The following PTPRD variants were observed in gnomAD, a reference collection of about 807,000 sequenced individuals.
PTPRD encodes the protein protein tyrosine phosphatase receptor type D.
A neutral mutation model predicts 214.5 loss-of-function variants in PTPRD; 34 were observed. That is an observed-to-expected ratio of 0.16 (90% CI 0.12 to 0.21). The LOEUF (loss-of-function observed/expected upper bound fraction) is 0.21. Ranked by LOEUF, PTPRD falls within the 10% of genes least tolerant of loss-of-function variation. The probability of loss-of-function intolerance (pLI) is 1.00; values close to 1 mark genes in which losing one functional copy is unlikely to be tolerated. For synonymous variants in PTPRD, 1,128 were observed against 845.7 expected (o/e 1.33, Z -5.79); for missense variants, 2,545 against 2,398.7 (o/e 1.06, Z -1.27).
intron 9 of PTPRD, among the ~76,000 whole-genome samples, chr9:9,313,325 G>A (rs1452591801): frequency 1.3e-5 from 2 of 152,112 alleles, no homozygotes; most frequent in African/African-American, 4.8e-5. Context: ...AAGAGTTAGA[G>A]GAGAGTAAGT....
intron 8 of PTPRD, among the ~76,000 whole-genome samples, chr9:9,488,191 A>C (rs536816877): frequency 6.6e-6 from 1 of 152,308 alleles, no homozygotes; most frequent in East Asian, 1.9e-4. Flanking sequence ...ATTTCCTTAC[A>C]CTATTCACCT....
At chr9:9,978,605 C>T (rs1293272377) in intron 4 of PTPRD, among the ~76,000 whole-genome samples, 1 of 151,926 alleles carries the variant, frequency 6.6e-6, no homozygotes, top group Non-Finnish European at 1.5e-5. Context: ...TCCTTCAGTC[C>T]CGCAGAAAGA....
intron 5 of PTPRD, among the ~76,000 whole-genome samples, chr9:9,818,785 G>A (rs1044398043): frequency 2.0e-5 from 3 of 151,670 alleles, no homozygotes; most frequent in Non-Finnish European, 4.4e-5. Context: ...GTGTAGTGGT[G>A]TGCGCCTGTA....
chr9:8,797,594 A>G (rs138102353), intron 11 of PTPRD, among the ~76,000 whole-genome samples: 256 of 152,328 alleles, frequency 1.7e-3, no homozygotes, highest in African/African-American at 5.9e-3. Flanking sequence ...ACTATCCAGC[A>G]GAAACTCTCT....
At chr9:10,051,099 G>A (rs1255826529) in intron 3 of PTPRD, among the ~76,000 whole-genome samples, 1 of 151,962 alleles carries the variant, frequency 6.6e-6, no homozygotes, top group African/African-American at 2.4e-5. Context: ...AAATGCAGAA[G>A]CCACTGAATT....
chr9:9,947,809 A>C (rs981601106), intron 4 of PTPRD, among the ~76,000 whole-genome samples: 10 of 149,152 alleles, frequency 6.7e-5, no homozygotes, highest in African/African-American at 2.2e-4. Flanking sequence ...ATCCATAAAG[A>C]GATTCAAGTA....
At chr9:9,777,347 A>C (rs1336487124) in intron 5 of PTPRD, among the ~76,000 whole-genome samples, 1 of 143,028 alleles carries the variant, frequency 7.0e-6, no homozygotes, top group East Asian at 5.2e-4. Context: ...ACACACACAC[A>C]CACACACCCC....
chr9:10,440,873 T>C (rs781164968), intron 2 of PTPRD, among the ~76,000 whole-genome samples: 6 of 151,738 alleles, frequency 4.0e-5, no homozygotes, highest in Non-Finnish European at 8.9e-5. Flanking sequence ...AATTTATAAG[T>C]AGAAAGATAC....
chr9:10,611,270 G>T (rs936649994), intron 2 of PTPRD, among the ~76,000 whole-genome samples: 1 of 152,124 alleles, frequency 6.6e-6, no homozygotes, highest in Non-Finnish European at 1.5e-5. Flanking sequence ...AATCAGGTCT[G>T]TTTTGTCTAA....
chr9:8,665,210 T>C (rs2097147238), intron 12 of PTPRD, among the ~76,000 whole-genome samples: 1 of 152,220 alleles, frequency 6.6e-6, no homozygotes, highest in African/African-American at 2.4e-5. Context: ...CAAATTGCTA[T>C]GAAAAACAGA....
At chr9:9,956,543 A>G (rs1333997617) in intron 4 of PTPRD, among the ~76,000 whole-genome samples, 1 of 152,160 alleles carries the variant, frequency 6.6e-6, no homozygotes, top group Non-Finnish European at 1.5e-5. Flanking sequence ...TTCAAAATTA[A>G]TACAGAAGAT....
intron 26 of PTPRD, among the ~76,000 whole-genome samples, chr9:8,496,564 G>A (rs921452053): frequency 3.9e-5 from 6 of 152,106 alleles, no homozygotes; most frequent in Admixed American, 1.3e-4. Context: ...CTCCCTCAGC[G>A]ACATACTTTC....
intron 3 of PTPRD, among the ~76,000 whole-genome samples, chr9:10,121,637 G>A (rs2098776197): frequency 6.6e-6 from 1 of 152,156 alleles, no homozygotes; most frequent in South Asian, 2.1e-4. Flanking sequence ...TGTTGTCTCT[G>A]TCTATGAGAA....
chr9:8,996,009 A>C (rs2099395239), intron 11 of PTPRD, among the ~76,000 whole-genome samples: 1 of 152,144 alleles, frequency 6.6e-6, no homozygotes, highest in African/African-American at 2.4e-5. Context: ...GCTGATATTA[A>C]TTCAAAATAG....
chr9:10,408,377 G>A (rs1489258616), intron 2 of PTPRD, among the ~76,000 whole-genome samples: 1 of 151,456 alleles, frequency 6.6e-6, no homozygotes, highest in Non-Finnish European at 1.5e-5. Context: ...CTATGTCCAT[G>A]GATAGGCAAA....
chr9:10,191,472 G>A (rs943455899), intron 3 of PTPRD, among the ~76,000 whole-genome samples: 1 of 152,100 alleles, frequency 6.6e-6, no homozygotes, highest in Non-Finnish European at 1.5e-5. Flanking sequence ...GGAATTGTAA[G>A]GGTAATTGAG....
At chr9:8,940,982 C>A (rs149557761) in intron 11 of PTPRD, among the ~76,000 whole-genome samples, 40 of 152,170 alleles carry the variant, frequency 2.6e-4, no homozygotes, top group African/African-American at 8.7e-4. Flanking sequence ...TGCTTATAGA[C>A]TAAAGGCATG....
chr9:9,426,797 G>GCT (rs1164664247), intron 8 of PTPRD, among the ~76,000 whole-genome samples: 7 of 152,224 alleles, frequency 4.6e-5, no homozygotes, highest in African/African-American at 1.4e-4. Flanking sequence ...GGCAAACAGG[G>GCT]ACTGGAGTGG....
At chr9:8,382,645 G>C (rs1589156367) in intron 37 of PTPRD, among the ~76,000 whole-genome samples, 1 of 152,142 alleles carries the variant, frequency 6.6e-6, no homozygotes, top group Non-Finnish European at 1.5e-5. Context: ...CAAAAGTGTA[G>C]AACTTTCTAG....
Sources: allele counts gnomAD v4.1 joint callset (sites outside exome capture counted in the v4.1 genomes callset), GRCh38; gene constraint gnomAD v4.1.1; transcripts MANE v1.5; gene names NCBI Gene and HGNC (gene_info 2026-07-23, HGNC 2026-07-21).